The following ARGFX variants were observed in gnomAD, a reference collection of about 807,000 sequenced individuals.
The protein encoded by ARGFX is arginine-fifty homeobox.
In ARGFX, 10 loss-of-function variants were observed where a neutral mutation model predicts 8.0. That is an observed-to-expected ratio of 1.25 (90% CI 0.77 to 2.12). The LOEUF (loss-of-function observed/expected upper bound fraction) is 2.12, where lower values mean the gene tolerates loss of function less well. Among genes scored for constraint, ARGFX ranks in the 30% most tolerant of loss-of-function variants. The probability of loss-of-function intolerance (pLI) is 0.00; values close to 1 mark genes in which losing one functional copy is unlikely to be tolerated. For missense variants in ARGFX, 282 were observed against 324.3 expected (o/e 0.87, Z 1.00); for synonymous variants, 116 against 117.8 (o/e 0.98, Z 0.10).
rs1456462572 is a variant in ARGFX at position 121,585,047 on chromosome 3, A to G, written c.351A>G (p.Leu117=). 2 of 1,613,938 alleles carry G rather than the reference A, an allele frequency of 1.2e-6. No individual in the cohort carries two copies. Among genetic ancestry groups the G allele is most frequent in the South Asian group, 2.2e-5 (2 of 90,968 alleles). The change falls in exon 4 of 5, where the codon CTA becomes CTG. Residue 117 remains leucine, a synonymous_variant. Coordinates refer to ENST00000334384, the MANE Select transcript of ARGFX (RefSeq NM_001012659.2). The part of the protein sequence containing the change: ...LQEKLALRLD[L]PESTVKVWFR... ...AGAAACTAGCTTTGAGACTCGACCT[A>G]CCGGAGTCAACAGTAAAGGTCTGAT...
At chr3:121,578,672 CTTTTTT>C (rs34085338) in intron 3 of ARGFX, among the ~76,000 whole-genome samples, 13 of 140,108 alleles carry the variant, frequency 9.3e-5, no homozygotes, top group African/African-American at 3.4e-4. Context: ...ATAGTTTTAT[CTTTTTT>C]TTTTTTTTTT....
intron 3 of ARGFX, among the ~76,000 whole-genome samples, chr3:121,580,963 A>G (rs911537754): frequency 2.0e-5 from 3 of 152,228 alleles, no homozygotes; most frequent in Non-Finnish European, 2.9e-5. Context: ...ATACACACAA[A>G]TAGATAGCAA....
rs747329369 is a variant in ARGFX, at chr3:121,570,697, C to A, written c.-12-5C>A. Reference sequence around the variant, plus strand: ...ATTCCCTATCTCATAGGCCTTCCATCTCAGATTTCAGAAACCATGAGGAAC... The same window carrying A: ...ATTCCCTATCTCATAGGCCTTCCATATCAGATTTCAGAAACCATGAGGAAC... On this transcript the variant is annotated splice_region_variant and splice_polypyrimidine_tract_variant and intron_variant, in intron 1 of 4. Transcript: ENST00000334384. 45 of 1,578,720 alleles carry A rather than the reference C, an allele frequency of 2.9e-5. No individual in the cohort carries two copies. In the African/African-American group the frequency reaches 5.8e-4, roughly 21 times the overall value.
chr3:121,576,593 T>G (rs989375072), intron 2 of ARGFX, among the ~76,000 whole-genome samples, 191 bp from the exon 3 acceptor site: 14 of 152,136 alleles, frequency 9.2e-5, no homozygotes, highest in African/African-American at 3.4e-4. Flanking sequence ...CGCCTCAGCC[T>G]CCCAAAGTGC....
At position 121,589,811 on chromosome 3, in the gene ARGFX, T is replaced by C. The variant is rs1302516412; in HGVS notation, c.*3211T>C. ...TATATGAGGCAAATTTTAGCAAAAATTAAAATTCTTAAGAAAACTTCACTA... is the reference window on the plus strand; with the variant it reads ...TATATGAGGCAAATTTTAGCAAAAACTAAAATTCTTAAGAAAACTTCACTA... On this transcript the variant is annotated 3_prime_UTR_variant, in exon 5 of 5. Transcript: ENST00000334384. Among the ~76,000 whole-genome samples the C allele has an allele frequency of 6.6e-6, 1 of 152,112 alleles. No individual in the cohort carries two copies. Among genetic ancestry groups the C allele is most frequent in the African/African-American group, 2.4e-5 (1 of 41,418 alleles).
At chr3:121,570,869 G>T in intron 2 of ARGFX, 53 bp downstream of exon 2, 4 of 1,255,228 alleles carry the variant, frequency 3.2e-6, no homozygotes, top group Non-Finnish European at 4.4e-6. Flanking sequence ...CCATTCTCAT[G>T]CAGCCCTACA....
chr3:121,584,155 G>A (rs2108838825), intron 3 of ARGFX, among the ~76,000 whole-genome samples: 1 of 150,580 alleles, frequency 6.6e-6, no homozygotes, highest in Admixed American at 6.7e-5. Flanking sequence ...TTCAGCCTGG[G>A]CAATAGAGCA....
rs141209862 is a variant in ARGFX at position 121,586,085 on chromosome 3, C to A, written c.433C>A (p.Arg145=). 1.9e-6 allele frequency: 3 copies of A among 1,602,252 alleles called. No individual in the cohort carries two copies. ...GCAGCAGCAGCAATCAGCAAAGCAA[C>A]GAAACCAGATCCTTCCATCCAAGAA... The part of the protein sequence containing the change: ...KQQQQQSAKQ[R]NQILPSKKNV... Residue 145 remains arginine, a synonymous_variant, in exon 5 of 5, where the codon CGA becomes AGA. Transcript: ENST00000334384.
Position 121,572,984 on chromosome 3 carries a change from C to T in ARGFX, c.103+2168C>T, listed in dbSNP as rs147205019. 9.5e-3 allele frequency among the ~76,000 whole-genome samples: 1,446 copies of T among 152,178 alleles called. 21 individuals are homozygous for T. Among genetic ancestry groups the T allele is most frequent in the African/African-American group, 0.033 (1,369 of 41,532 alleles). ...TGCTGGATCCTTACCTTACCACATG[C>T]AAAAATTAAAATGGATCAAGTCCTA... On this transcript the variant is annotated intron_variant, in intron 2 of 4. Coordinates refer to ENST00000334384, the MANE Select transcript of ARGFX (RefSeq NM_001012659.2).
chr3:121,571,609 C>T (rs1040669312), intron 2 of ARGFX, among the ~76,000 whole-genome samples: 1 of 151,654 alleles, frequency 6.6e-6, no homozygotes, highest in African/African-American at 2.4e-5. Flanking sequence ...GTCACCCAGG[C>T]TGGCAGTGCA....
intron 3 of ARGFX, among the ~76,000 whole-genome samples, chr3:121,577,259 A>ATATATATATATATATT (rs1403064031): frequency 1.7e-5 from 1 of 59,642 alleles, no homozygotes; most frequent in Non-Finnish European, 3.1e-5. Context: ...ATATATATAT[A>ATATATATATATATATT]TTTTTTTTTT....
intron 2 of ARGFX, among the ~76,000 whole-genome samples, chr3:121,573,777 G>A (rs1426588253): frequency 6.7e-6 from 1 of 148,570 alleles, no homozygotes; most frequent in Non-Finnish European, 1.5e-5. Flanking sequence ...GAACCCAGGA[G>A]GCAGAGGTTG....
Position 121,572,729 on chromosome 3 carries a change from A to C in ARGFX, c.103+1913A>C, listed in dbSNP as rs1319075459. ...TTGAAAAAGATGAACAGATGAACAA[A>C]GCTGGAGGCCTCATATTACACAATC... On this transcript the variant is annotated intron_variant, in intron 2 of 4. Transcript: ENST00000334384. Among the ~76,000 whole-genome samples the C allele has an allele frequency of 2.6e-5, 4 of 152,234 alleles. No individual in the cohort carries two copies. The East Asian group carries it at 7.7e-4, about 29-fold the overall frequency.
rs71668158 is a variant in ARGFX, at chr3:121,578,836, ATTTTT to A, written c.220+1946_220+1950del. On this transcript the variant is annotated intron_variant, in intron 3 of 4. Coordinates refer to ENST00000334384, the MANE Select transcript of ARGFX (RefSeq NM_001012659.2). ...CAGGCACCCGCCACCACACCCAGCT[ATTTTT>A]TTTTTTTTTGTATTTTTAGTAGATA... Among the ~76,000 whole-genome samples, 7 of 140,172 alleles carry A rather than the reference ATTTTT, an allele frequency of 5.0e-5. No homozygotes were observed. In the Admixed American group the frequency reaches 5.0e-4, roughly 10 times the overall value. 92.0% of individuals were successfully genotyped at this position (140,172 alleles called of 152,430 possible).
At chr3:121,584,599 C>T (rs2048800568) in intron 3 of ARGFX, among the ~76,000 whole-genome samples, 1 of 152,176 alleles carries the variant, frequency 6.6e-6, no homozygotes, top group Admixed American at 6.5e-5. Flanking sequence ...GAAAACTTTT[C>T]AGTGCAGTCA....
At chr3:121,572,236 GTTTTT>G (rs35928051) in intron 2 of ARGFX, among the ~76,000 whole-genome samples, 7 of 128,062 alleles carry the variant, frequency 5.5e-5, no homozygotes, top group Non-Finnish European at 4.8e-5. Flanking sequence ...TATTATTGTT[GTTTTT>G]TTTTTTTTTT....
At chr3:121,575,514 G>T (rs2048731055) in intron 2 of ARGFX, among the ~76,000 whole-genome samples, 1 of 151,982 alleles carries the variant, frequency 6.6e-6, no homozygotes, top group South Asian at 2.1e-4. Context: ...GGAGAGAGTG[G>T]GTGAGACAGA....
chr3:121,583,318 C>T (rs1176343135), intron 3 of ARGFX, among the ~76,000 whole-genome samples: 1 of 151,984 alleles, frequency 6.6e-6, no homozygotes, highest in Non-Finnish European at 1.5e-5. Context: ...GTGTGAGTCA[C>T]CACACCTGGC....
chr3:121,585,121 A>T, intron 4 of ARGFX, 56 bp downstream of exon 4: 4 of 1,585,448 alleles, frequency 2.5e-6, no homozygotes, highest in Non-Finnish European at 3.4e-6. Context: ...TCACCTATCC[A>T]GCCTGGAAAT....
Sources: gnomAD v4.1 joint callset for allele counts (sites outside exome capture counted in the v4.1 genomes callset) on GRCh38, gnomAD v4.1.1 for gene constraint, MANE v1.5 for transcripts, NCBI Gene and HGNC (gene_info 2026-07-23, HGNC 2026-07-21) for gene names.